The following NXPH1 variants were observed in gnomAD, a reference collection of about 807,000 sequenced individuals.
The protein encoded by NXPH1 is neurexophilin-1.
NXPH1 carries 5 observed loss-of-function variants against 23.7 expected under a neutral mutation model. The observed-to-expected ratio is 0.21, with a 90% confidence interval of 0.11 to 0.44. The LOEUF (loss-of-function observed/expected upper bound fraction) is 0.44. NXPH1 is among the 20% of genes least tolerant of loss of function. NXPH1 has a pLI of 0.99. For missense variants in NXPH1, 324 were observed against 321.6 expected (o/e 1.01, Z -0.06); for synonymous variants, 144 against 122.2 (o/e 1.18, Z -1.18).
Position 8,737,048 on chromosome 7 carries a change from C to T in NXPH1, c.55-13960C>T, listed in dbSNP as rs555535739. ...TGTGTTTGCATGTCAGATGGGTCTC[C>T]TGAATACAGCAGATCGATGAGTCTT... On this transcript the variant is annotated intron_variant, in intron 2 of 2. Coordinates refer to ENST00000405863, the MANE Select transcript of NXPH1 (RefSeq NM_152745.3). 5.9e-5 allele frequency among the ~76,000 whole-genome samples: 9 copies of T among 151,984 alleles called. No homozygotes were observed. In the South Asian group the frequency reaches 1.5e-3, roughly 25 times the overall value.
chr7:8,640,365 G>T (rs1820287265), intron 2 of NXPH1, among the ~76,000 whole-genome samples: 1 of 151,518 alleles, frequency 6.6e-6, no homozygotes, highest in African/African-American at 2.4e-5. Context: ...AATATTCAGG[G>T]TCCTCATGTA....
chr7:8,528,734 A>G (rs1337713131), intron 2 of NXPH1, among the ~76,000 whole-genome samples: 2 of 152,196 alleles, frequency 1.3e-5, no homozygotes, highest in Non-Finnish European at 2.9e-5. Context: ...TTTAAGTTTT[A>G]TATTAAAGTT....
At chr7:8,577,069 GATA>G (rs1333139042) in intron 2 of NXPH1, among the ~76,000 whole-genome samples, 2 of 152,032 alleles carry the variant, frequency 1.3e-5, no homozygotes, top group African/African-American at 4.8e-5. Flanking sequence ...CATTTGAAAT[GATA>G]ATAATATTAA....
intron 2 of NXPH1, among the ~76,000 whole-genome samples, chr7:8,580,225 T>A (rs968289094): frequency 6.6e-6 from 1 of 152,070 alleles, no homozygotes; most frequent in Non-Finnish European, 1.5e-5. Flanking sequence ...GAATCAAGAA[T>A]GGGTATGGGC....
At chr7:8,702,968 C>T (rs564122614) in intron 2 of NXPH1, among the ~76,000 whole-genome samples, 76 of 152,228 alleles carry the variant, frequency 5.0e-4, no homozygotes, top group African/African-American at 1.7e-3. Context: ...TTGCAGGGTC[C>T]TGCTCTCCTT....
At chr7:8,590,946 G>A (rs1386192344) in intron 2 of NXPH1, among the ~76,000 whole-genome samples, 1 of 152,008 alleles carries the variant, frequency 6.6e-6, no homozygotes, top group Non-Finnish European at 1.5e-5. Flanking sequence ...GAGGCTATTA[G>A]GCTACTCTTC....
At chr7:8,681,453 T>C (rs1470803602) in intron 2 of NXPH1, among the ~76,000 whole-genome samples, 1 of 152,182 alleles carries the variant, frequency 6.6e-6, no homozygotes, top group Non-Finnish European at 1.5e-5. Context: ...TAAATTGTAA[T>C]ATATAGTTCA....
intron 2 of NXPH1, among the ~76,000 whole-genome samples, chr7:8,637,363 C>T (rs895020171): frequency 2.0e-5 from 3 of 152,036 alleles, no homozygotes; most frequent in African/African-American, 7.2e-5. Context: ...GCTGGGACCA[C>T]AGGCTCGTGC....
At chr7:8,505,572 C>T (rs1477277569) in intron 2 of NXPH1, among the ~76,000 whole-genome samples, 2 of 152,106 alleles carry the variant, frequency 1.3e-5, no homozygotes, top group East Asian at 3.9e-4. Flanking sequence ...TTTATATTAG[C>T]AAATCTAAAT....
intron 2 of NXPH1, among the ~76,000 whole-genome samples, chr7:8,712,388 C>T (rs1042444846): frequency 6.6e-6 from 1 of 152,138 alleles, no homozygotes; most frequent in Non-Finnish European, 1.5e-5. Flanking sequence ...TGCAGCATTT[C>T]CCTGATGCTT....
intron 2 of NXPH1, among the ~76,000 whole-genome samples, chr7:8,457,206 C>T (rs185946962): frequency 2.6e-5 from 4 of 152,240 alleles, no homozygotes; most frequent in Admixed American, 1.3e-4. Flanking sequence ...TGAAGAAATT[C>T]TCTTTACTGT....
intron 2 of NXPH1, among the ~76,000 whole-genome samples, chr7:8,510,993 C>A (rs1046933492): frequency 3.9e-5 from 6 of 152,072 alleles, no homozygotes; most frequent in African/African-American, 1.4e-4. Context: ...TTCTCTGCTT[C>A]CCTGACCTTG....
intron 2 of NXPH1, among the ~76,000 whole-genome samples, chr7:8,548,836 T>C (rs1818234593): frequency 6.6e-6 from 1 of 151,566 alleles, no homozygotes; most frequent in African/African-American, 2.4e-5. Flanking sequence ...TACTGGCACT[T>C]ACTGTTGCTG....
In NXPH1 at chr7:8,752,873, C is replaced by A. The variant is rs1402131228; in HGVS notation, c.*1104C>A. On this transcript the variant is annotated 3_prime_UTR_variant, in exon 3 of 3. Transcript: ENST00000405863. ...AGTATTGTTGAAAGCTATACATATA[C>A]AACATTACAGTCTGTCTGTATTTAG... 1 of 152,358 alleles carries A rather than the reference C, an allele frequency of 6.6e-6. No individual in the cohort carries two copies. Among genetic ancestry groups the A allele is most frequent in the African/African-American group, 2.4e-5 (1 of 41,364 alleles). 9.4% of individuals were successfully genotyped at this position (152,358 alleles called of 1,614,324 possible). A position where few individuals can be genotyped will look rare whatever the true frequency, so the allele number is the denominator to read the frequency against.
chr7:8,515,834 G>A (rs1449028818), intron 2 of NXPH1, among the ~76,000 whole-genome samples: 1 of 152,086 alleles, frequency 6.6e-6, no homozygotes, highest in African/African-American at 2.4e-5. Flanking sequence ...CTGAGCCAAA[G>A]CAAATTGAAT....
intron 2 of NXPH1, among the ~76,000 whole-genome samples, chr7:8,482,203 T>G (rs1817085345): frequency 6.6e-6 from 1 of 152,162 alleles, no homozygotes; most frequent in African/African-American, 2.4e-5. Context: ...AGGGAAAGTG[T>G]TTCCGTGAGC....
chr7:8,481,625 A>G (rs1817074403), intron 2 of NXPH1, among the ~76,000 whole-genome samples: 1 of 152,230 alleles, frequency 6.6e-6, no homozygotes, highest in South Asian at 2.1e-4. Context: ...AATACCCACC[A>G]AAATAAAAAT....
At chr7:8,700,140 C>T (rs1435336121) in intron 2 of NXPH1, among the ~76,000 whole-genome samples, 1 of 152,124 alleles carries the variant, frequency 6.6e-6, no homozygotes, top group African/African-American at 2.4e-5. Context: ...GAGAAACTGT[C>T]ATCGTTTCTT....
intron 2 of NXPH1, among the ~76,000 whole-genome samples, chr7:8,514,004 C>G (rs943444110): frequency 6.6e-6 from 1 of 152,068 alleles, no homozygotes; most frequent in Non-Finnish European, 1.5e-5. Context: ...CCCTGTTTCT[C>G]TTCACTTTGT....
Sources: gnomAD v4.1 joint callset for allele counts (sites outside exome capture counted in the v4.1 genomes callset) on GRCh38, gnomAD v4.1.1 for gene constraint, MANE v1.5 for transcripts, NCBI Gene and HGNC (gene_info 2026-07-23, HGNC 2026-07-21) for gene names.